ZKSCAN8: variants seen among roughly 807,000 people sequenced by gnomAD.
ZKSCAN8 encodes the protein zinc finger protein with KRAB and SCAN domains 8.
In ZKSCAN8, 27 loss-of-function variants were observed where a neutral mutation model predicts 57.2. The ratio of observed to expected loss-of-function variants is 0.47; its 90% CI spans 0.35 to 0.65. The LOEUF (loss-of-function observed/expected upper bound fraction) is 0.65. Among genes scored for constraint, ZKSCAN8 ranks in the 30% least tolerant of loss-of-function variants. ZKSCAN8 has a pLI of 0.01. For missense variants in ZKSCAN8, 597 were observed against 696.3 expected (o/e 0.86, Z 1.60); for synonymous variants, 214 against 248.7 (o/e 0.86, Z 1.31).
In ZKSCAN8 at chr6:28,157,609, A is replaced by C. The variant is rs1765825898; in HGVS notation, c.*3592A>C. The C allele has an allele frequency of 6.6e-6, 1 of 152,192 alleles. No homozygotes were observed. 9.4% of individuals were successfully genotyped at this position (152,192 alleles called of 1,614,324 possible). A position where few individuals can be genotyped will look rare whatever the true frequency, so the allele number is the denominator to read the frequency against. ...CTTGTCATGAGAGGTACTGGGGAAA[A>C]GAATGTGCAGTAGAGTGCAAATACA... On this transcript the variant is annotated 3_prime_UTR_variant, in exon 6 of 6. Transcript: ENST00000330236.
rs899512356 is a variant in ZKSCAN8 at position 28,153,809 on chromosome 6, G to T, written c.1529G>T (p.Arg510Ile). ...AAGTCAGGCCTTATTGAACATCAGA[G>T]AATCCACACTGGAGAAAGACCCTAT... ...SQKSGLIEHQRIHTGERPYKC... is the reference protein window; with the variant it reads ...SQKSGLIEHQIIHTGERPYKC... The change falls in exon 6 of 6, where the codon AGA becomes ATA. Residue 510 changes from arginine to isoleucine, a missense_variant. Transcript: ENST00000330236. 3 of 1,614,036 alleles carry T rather than the reference G, an allele frequency of 1.9e-6. No homozygotes were observed. Among genetic ancestry groups the T allele is most frequent in the Non-Finnish European group, 2.5e-6 (3 of 1,179,956 alleles).
chr6:28,149,667 A>C, intron 3 of ZKSCAN8, 43 bp downstream of exon 3: 1 of 1,607,054 alleles, frequency 6.2e-7, no homozygotes, highest in Non-Finnish European at 8.5e-7. Flanking sequence ...GGGAAGTACA[A>C]ATAAAAGTCC....
Position 28,144,853 on chromosome 6 carries a change from C to T in ZKSCAN8, c.-93+2824C>T, listed in dbSNP as rs1014167839. ...CGGGCAGATCACGAGGTCAGGAGATCGAGACCATCCTGGCTAACACAGTGA... is the reference window on the plus strand; with the variant it reads ...CGGGCAGATCACGAGGTCAGGAGATTGAGACCATCCTGGCTAACACAGTGA... On this transcript the variant is annotated intron_variant, in intron 1 of 5. Transcript: ENST00000330236. This position sits in a 1 kb window ranked among gnomAD's most constrained non-coding sequence, Gnocchi z 4.5. Among the ~76,000 whole-genome samples the T allele has an allele frequency of 2.0e-5, 3 of 151,980 alleles. No homozygotes were observed. Among genetic ancestry groups the T allele is most frequent in the Non-Finnish European group, 2.9e-5 (2 of 67,998 alleles).
intron 1 of ZKSCAN8, among the ~76,000 whole-genome samples, chr6:28,147,947 C>T (rs1277378040): frequency 6.6e-6 from 1 of 151,988 alleles, no homozygotes; most frequent in Non-Finnish European, 1.5e-5. Flanking sequence ...CGTGTAGAAC[C>T]AGATTAGTAC....
At chr6:28,149,183 G>A (rs1329708992) in intron 2 of ZKSCAN8, among the ~76,000 whole-genome samples, 1 of 152,150 alleles carries the variant, frequency 6.6e-6, no homozygotes, top group Admixed American at 6.5e-5. Context: ...CTACTGCATA[G>A]CACTGCTTTA....
At chr6:28,152,220 A>T in intron 4 of ZKSCAN8, 41 bp from the exon 5 acceptor site, 1 of 1,575,140 alleles carries the variant, frequency 6.3e-7, no homozygotes, top group Non-Finnish European at 8.6e-7. Context: ...TGAGCTGTGG[A>T]ACAGTCCCAG....
intron 1 of ZKSCAN8, among the ~76,000 whole-genome samples, chr6:28,146,316 A>G (rs1271776407): frequency 6.6e-6 from 1 of 152,256 alleles, no homozygotes; most frequent in Non-Finnish European, 1.5e-5. Flanking sequence ...AGTTATGGGA[A>G]AAGTAACATT....
rs1292895064 is a variant in ZKSCAN8 at position 28,144,950 on chromosome 6, G to A, written c.-93+2921G>A. 6.6e-6 allele frequency among the ~76,000 whole-genome samples: 1 copy of A among 152,180 alleles called. No individual in the cohort carries two copies. The highest frequency in any genetic ancestry group is 2.4e-5 in the African/African-American group (1 of 41,438). Reference sequence around the variant, plus strand: ...AGGGCGCCTGTAGTCCCAGCTACTCGGGAGGCCGAGGCAGGAGAATGGCGT... The same window carrying A: ...AGGGCGCCTGTAGTCCCAGCTACTCAGGAGGCCGAGGCAGGAGAATGGCGT... On this transcript the variant is annotated intron_variant, in intron 1 of 5. Transcript: ENST00000330236. The surrounding 1 kb of genome is among the most constrained non-coding windows in gnomAD (Gnocchi z 4.5).
chr6:28,152,134 C>T (rs1765610874), intron 4 of ZKSCAN8, 127 bp from the exon 5 acceptor site: 9 of 1,443,530 alleles, frequency 6.2e-6, no homozygotes, highest in Non-Finnish European at 8.4e-6. Flanking sequence ...CCTAGCTATT[C>T]AGATCCCTTT....
At chr6:28,145,532 C>T (rs1238005884) in intron 1 of ZKSCAN8, among the ~76,000 whole-genome samples, 1 of 151,258 alleles carries the variant, frequency 6.6e-6, no homozygotes, top group Non-Finnish European at 1.5e-5. Flanking sequence ...TACAGGGCTA[C>T]TGTAAAAAAA....
chr6:28,156,544 A>T lies in ZKSCAN8; in HGVS notation c.*2527A>T, dbSNP rs932748817. Reference sequence around the variant, plus strand: ...AGAATTAGCCAAATGGTATAAGACAATAGAAAAAGGCTGTGGATTCTTTGA... The same window carrying T: ...AGAATTAGCCAAATGGTATAAGACATTAGAAAAAGGCTGTGGATTCTTTGA... On this transcript the variant is annotated 3_prime_UTR_variant, in exon 6 of 6. Transcript: ENST00000330236. 4.5e-6 allele frequency: 1 copy of T among 220,944 alleles called. No homozygotes were observed. The highest frequency in any genetic ancestry group is 9.2e-5 in the East Asian group (1 of 10,876). The allele number at this position is 220,944 out of a possible 1,614,324, so 13.7% of individuals were successfully genotyped here. A position where few individuals can be genotyped will look rare whatever the true frequency, so the allele number is the denominator to read the frequency against.
At chr6:28,143,476 A>G (rs1471484147) in intron 1 of ZKSCAN8, among the ~76,000 whole-genome samples, 1 of 152,180 alleles carries the variant, frequency 6.6e-6, no homozygotes, top group Non-Finnish European at 1.5e-5. Flanking sequence ...CGCACTTCAC[A>G]TTAAAATATT....
intron 3 of ZKSCAN8, among the ~76,000 whole-genome samples, chr6:28,150,956 G>A (rs1251655480): frequency 6.6e-6 from 1 of 151,974 alleles, no homozygotes; most frequent in Admixed American, 6.6e-5. Flanking sequence ...ACAGGTGCAC[G>A]CCACCATGCC....
rs969336364 is a variant in ZKSCAN8 at position 28,157,687 on chromosome 6, C to T, written c.*3670C>T. On this transcript the variant is annotated 3_prime_UTR_variant, in exon 6 of 6. Transcript: ENST00000330236. ...ATGCTTTTTGGGGTTACAATTATATCATTTTTAAGTGTTGATGCTTTGTAG... is the reference window on the plus strand; with the variant it reads ...ATGCTTTTTGGGGTTACAATTATATTATTTTTAAGTGTTGATGCTTTGTAG... 3 of 152,124 alleles carry T rather than the reference C, an allele frequency of 2.0e-5. No individual in the cohort carries two copies. The highest frequency in any genetic ancestry group is 4.8e-5 in the African/African-American group (2 of 41,400). 9.4% of individuals were successfully genotyped at this position (152,124 alleles called of 1,614,324 possible). A position where few individuals can be genotyped will look rare whatever the true frequency, so the allele number is the denominator to read the frequency against.
rs1306586121 is a variant in ZKSCAN8 at position 28,153,084 on chromosome 6, A to G, written c.804A>G (p.Glu268=). 5 of 1,614,178 alleles carry G rather than the reference A, an allele frequency of 3.1e-6. No homozygotes were observed. Among genetic ancestry groups the G allele is most frequent in the African/African-American group, 1.3e-5 (1 of 75,034 alleles). ...GTGAGACCAGGAGTGAGAACAGGGAATTAGCTTCAAAACAGGTAATATCTA... is the reference window on the plus strand; with the variant it reads ...GTGAGACCAGGAGTGAGAACAGGGAGTTAGCTTCAAAACAGGTAATATCTA... ...LGGETRSENR[E]LASKQVISTG... The change falls in exon 6 of 6, where the codon GAA becomes GAG. Residue 268 remains glutamate, a synonymous_variant. Coordinates refer to ENST00000330236, the MANE Select transcript of ZKSCAN8 (RefSeq NM_006298.4).
Position 28,148,448 on chromosome 6 carries a change from C to G in ZKSCAN8, c.41C>G (p.Pro14Arg), listed in dbSNP as rs1003762006. 7 of 1,614,134 alleles carry G rather than the reference C, an allele frequency of 4.3e-6. No individual in the cohort carries two copies. The highest frequency in any genetic ancestry group is 2.2e-5 in the South Asian group (2 of 91,070). ...ESRKPSAPSP[P>R]DQTPEEDLVI... ...AGAAAGCCTTCAGCCCCATCCCCAC[C>G]AGACCAGACTCCTGAAGAGGATCTT... Residue 14 changes from proline to arginine, a missense_variant, in exon 2 of 6, where the codon CCA becomes CGA. By Grantham distance (103) the Pro-to-Arg change is moderately radical. Transcript: ENST00000330236.
rs979985149 is a variant in ZKSCAN8, at chr6:28,159,160, A to G, written c.*5143A>G. ...CCCTTCAAAGCCTTTCTTCCTTTAT[A>G]TCTTCTGACTGAGCTCTCCCTGATT... On this transcript the variant is annotated 3_prime_UTR_variant, in exon 6 of 6. Transcript: ENST00000330236. 1.3e-5 allele frequency: 2 copies of G among 152,108 alleles called. No individual in the cohort carries two copies. The highest frequency in any genetic ancestry group is 2.9e-5 in the Non-Finnish European group (2 of 68,032). 9.4% of individuals were successfully genotyped at this position (152,108 alleles called of 1,614,324 possible).
At chr6:28,149,442 G>A (rs144104450) in intron 2 of ZKSCAN8, 41 bp from the exon 3 acceptor site, 66 of 1,608,210 alleles carry the variant, frequency 4.1e-5, no homozygotes, top group East Asian at 2.7e-4. Context: ...ATTACATTTC[G>A]CAAAGGGATT....
At chr6:28,147,977 A>G (rs938418168) in intron 1 of ZKSCAN8, among the ~76,000 whole-genome samples, 2 of 152,206 alleles carry the variant, frequency 1.3e-5, no homozygotes, top group African/African-American at 4.8e-5. Flanking sequence ...ATCAAAGACT[A>G]AAAGGGGTTA....
Sources: gnomAD v4.1 joint callset for allele counts (sites outside exome capture counted in the v4.1 genomes callset) on GRCh38, gnomAD v4.1.1 for gene constraint, Gnocchi (gnomAD v3.1) non-coding constraint, MANE v1.5 for transcripts, NCBI Gene and HGNC (gene_info 2026-07-23, HGNC 2026-07-21) for gene names.